Variants in ILDR1 observed in about 807,000 individuals in gnomAD.
ILDR1 encodes immunoglobulin-like domain-containing receptor 1.
ILDR1 carries 56 observed loss-of-function variants against 62.4 expected under a neutral mutation model. The observed-to-expected ratio is 0.90, with a 90% CI of 0.72 to 1.12. The LOEUF (loss-of-function observed/expected upper bound fraction) is 1.12, where lower values mean the gene tolerates loss of function less well. Ranked by LOEUF, ILDR1 falls within the 50% of genes most tolerant of loss-of-function variation. The pLI is 0.00. For missense variants in ILDR1, 736 were observed against 710.6 expected, an observed-to-expected ratio of 1.04 and a Z score of -0.41; for synonymous variants, 284 against 277.8, an observed-to-expected ratio of 1.02 and a Z score of -0.22.
intron 1 of ILDR1, 30 bp downstream of exon 1, chr3:122,021,990 C>T: frequency 6.3e-7 from 1 of 1,598,080 alleles, no homozygotes; most frequent in Non-Finnish European, 8.5e-7. Flanking sequence ...TCCTTGGGTC[C>T]AGGGTGGGTA....
At chr3:122,041,898 T>G in the ILDR1 span, among the ~76,000 whole-genome samples, 1 of 147,498 alleles carries the variant, frequency 6.8e-6, no homozygotes, top group Non-Finnish European at 1.5e-5. Flanking sequence ...TGAATGCCCT[T>G]TATTTCTTTT....
intron 5 of ILDR1, among the ~76,000 whole-genome samples, chr3:121,996,257 A>G (rs570938054): frequency 2.0e-5 from 3 of 152,268 alleles, no homozygotes; most frequent in Admixed American, 6.5e-5. Flanking sequence ...TGATTTTTTC[A>G]CTAATGGGAC....
intron 6 of ILDR1, 91 bp downstream of exon 6, chr3:121,994,091 C>G (rs904397758): frequency 3.3e-6 from 5 of 1,503,736 alleles, no homozygotes; most frequent in Non-Finnish European, 3.6e-6. Context: ...ATGAAGATGC[C>G]TGCCGCATCG....
At chr3:122,024,426 G>A (rs950649694), upstream of ILDR1, among the ~76,000 whole-genome samples, 1 of 152,140 alleles carries the variant, frequency 6.6e-6, no homozygotes, top group Non-Finnish European at 1.5e-5. Flanking sequence ...ATGAAAAATA[G>A]CTTTAATAAA....
chr3:122,018,157 G>A (rs1176825679), intron 1 of ILDR1, among the ~76,000 whole-genome samples: 1 of 152,152 alleles, frequency 6.6e-6, no homozygotes, highest in Non-Finnish European at 1.5e-5. Flanking sequence ...GTCCATCAAT[G>A]ATAGACTGGA....
upstream of ILDR1, among the ~76,000 whole-genome samples, chr3:122,023,865 A>G (rs571415362): frequency 4.6e-5 from 7 of 152,210 alleles, no homozygotes; most frequent in South Asian, 1.5e-3. Context: ...AACCCCCTCT[A>G]AAGACCCTGT....
At chr3:122,041,002 A>AGC in the ILDR1 span, among the ~76,000 whole-genome samples, 1 of 152,226 alleles carries the variant, frequency 6.6e-6, no homozygotes, top group Admixed American at 6.5e-5. Flanking sequence ...ATATTTGCAA[A>AGC]AGACATATTT....
chr3:122,002,888 G>A (rs999603941), intron 3 of ILDR1, among the ~76,000 whole-genome samples: 4 of 152,150 alleles, frequency 2.6e-5, no homozygotes, highest in African/African-American at 4.8e-5. Context: ...TACAGAATGC[G>A]AGAAAACTTT....
chr3:122,045,590 A>C, the ILDR1 span, among the ~76,000 whole-genome samples: 3 of 149,400 alleles, frequency 2.0e-5, no homozygotes, highest in African/African-American at 2.4e-5. Context: ...TGCTTTATGA[A>C]TCTGGGTGCT....
At chr3:122,006,958 C>T in intron 2 of ILDR1, 33 bp downstream of exon 2, 1 of 1,599,780 alleles carries the variant, frequency 6.3e-7, no homozygotes, top group Non-Finnish European at 8.5e-7. Flanking sequence ...GTGTCTGGGA[C>T]CCACAGAGGG....
chr3:122,052,040 A>G, the ILDR1 span, among the ~76,000 whole-genome samples: 2 of 151,946 alleles, frequency 1.3e-5, no homozygotes, highest in Non-Finnish European at 2.9e-5. Context: ...CTTCTAGAGT[A>G]TGTTAGACCT....
the ILDR1 span, among the ~76,000 whole-genome samples, chr3:122,049,608 C>T: frequency 1.3e-5 from 2 of 152,056 alleles, no homozygotes; most frequent in Admixed American, 1.3e-4. Flanking sequence ...GTGAATTGAA[C>T]CTTTTATCAT....
chr3:122,004,672 G>A (rs932787554), intron 3 of ILDR1, among the ~76,000 whole-genome samples: 1 of 152,126 alleles, frequency 6.6e-6, no homozygotes, highest in Non-Finnish European at 1.5e-5. Context: ...GATGCCTGTC[G>A]TTCAGATGAA....
In ILDR1 at chr3:122,001,824, A is replaced by G; in HGVS notation, c.420T>C (p.His140=). 1 of 1,613,614 alleles carries G rather than the reference A, an allele frequency of 6.2e-7. No individual in the cohort carries two copies. Residue 140 remains histidine, a synonymous_variant, in exon 4 of 8, where the codon CAT becomes CAC. Transcript: ENST00000344209. ...CCTCAATGGTGCAGTAATACACTCC[A>G]TGGTCCCACCACATCACTTCATTTA... ...LVINEVMWWD[H]GVYYCTIEAP...
At chr3:122,018,448 G>A (rs944505306) in intron 1 of ILDR1, among the ~76,000 whole-genome samples, 1 of 151,952 alleles carries the variant, frequency 6.6e-6, no homozygotes. Context: ...TGTAGGTGAT[G>A]GGTTGATGGG....
At chr3:121,988,950 T>C (rs2107635351) in intron 7 of ILDR1, among the ~76,000 whole-genome samples, 1 of 152,324 alleles carries the variant, frequency 6.6e-6, no homozygotes, top group South Asian at 2.1e-4. Context: ...CCACTCTACT[T>C]GGTCTTTGGG....
the ILDR1 span, among the ~76,000 whole-genome samples, chr3:122,053,418 A>G: frequency 6.6e-6 from 1 of 152,180 alleles, no homozygotes; most frequent in Admixed American, 6.5e-5. Context: ...TTATACAGCA[A>G]TGGATAACTA....
the ILDR1 span, among the ~76,000 whole-genome samples, chr3:122,047,805 C>T: frequency 1.3e-5 from 2 of 152,212 alleles, no homozygotes; most frequent in Non-Finnish European, 2.9e-5. Flanking sequence ...TGGCCTGCGC[C>T]CACTGTCTGG....
chr3:122,023,417 A>C (rs951724033), upstream of ILDR1, among the ~76,000 whole-genome samples: 3 of 152,218 alleles, frequency 2.0e-5, no homozygotes, highest in African/African-American at 7.2e-5. Flanking sequence ...TAAATGAATA[A>C]AAATTCATTA....
Sources: gnomAD v4.1 joint callset for allele counts (sites outside exome capture counted in the v4.1 genomes callset) on GRCh38, gnomAD v4.1.1 for gene constraint, MANE v1.5 for transcripts, NCBI Gene and HGNC (gene_info 2026-07-23, HGNC 2026-07-21) for gene names.